The following HIBADH variants were observed in gnomAD, a reference collection of about 807,000 sequenced individuals.
HIBADH encodes 3-hydroxyisobutyrate dehydrogenase.
Under a neutral mutation model 36.1 loss-of-function variants are expected in HIBADH, and 25 were observed. That is an observed-to-expected ratio of 0.69 (90% CI 0.50 to 0.97). The LOEUF (loss-of-function observed/expected upper bound fraction) is 0.97, where lower values mean the gene tolerates loss of function less well. Ranked by LOEUF, HIBADH falls within the 50% of genes least tolerant of loss-of-function variation. HIBADH has a pLI of 0.00. For synonymous variants in HIBADH, 160 were observed against 149.5 expected, an observed-to-expected ratio of 1.07 and a Z score of -0.51; for missense variants, 421 against 418.0, an observed-to-expected ratio of 1.01 and a Z score of -0.06.
At chr7:27,553,870 T>C (rs971449871) in intron 4 of HIBADH, among the ~76,000 whole-genome samples, 1 of 152,214 alleles carries the variant, frequency 6.6e-6, no homozygotes, top group Non-Finnish European at 1.5e-5. Flanking sequence ...TTATTTGAGA[T>C]GGAGTTTTGC....
chr7:27,578,097 G>C (rs1784739941), intron 4 of HIBADH, among the ~76,000 whole-genome samples: 1 of 152,204 alleles, frequency 6.6e-6, no homozygotes, highest in Non-Finnish European at 1.5e-5. Context: ...ATAGTTTAGA[G>C]AGTTCAGTAT....
At chr7:27,646,014 G>A (rs1786063112) in intron 2 of HIBADH, among the ~76,000 whole-genome samples, 2 of 152,056 alleles carry the variant, frequency 1.3e-5, no homozygotes, top group Non-Finnish European at 2.9e-5. Context: ...TCATATCTAA[G>A]AATCCTTCGC....
At chr7:27,642,336 C>T (rs1286123921) in intron 2 of HIBADH, among the ~76,000 whole-genome samples, 1 of 152,016 alleles carries the variant, frequency 6.6e-6, no homozygotes, top group African/African-American at 2.4e-5. Context: ...TTTTTTTCTT[C>T]CTCAAAAATT....
chr7:27,627,369 T>C (rs915150190), intron 4 of HIBADH, among the ~76,000 whole-genome samples: 1 of 152,166 alleles, frequency 6.6e-6, no homozygotes, highest in Non-Finnish European at 1.5e-5. Flanking sequence ...AATCCCCACA[T>C]TTTAGCCCTA....
chr7:27,615,335 A>C (rs1785407311), intron 4 of HIBADH, among the ~76,000 whole-genome samples: 1 of 152,186 alleles, frequency 6.6e-6, no homozygotes, highest in African/African-American at 2.4e-5. Flanking sequence ...AACAACCTAG[A>C]GAACCCTGGG....
At chr7:27,627,749 C>A (rs529186513) in intron 4 of HIBADH, among the ~76,000 whole-genome samples, 42 of 152,154 alleles carry the variant, frequency 2.8e-4, no homozygotes, top group African/African-American at 9.4e-4. Context: ...CAATAAATTA[C>A]CACAAATCAT....
chr7:27,585,626 A>G (rs1784850926), intron 4 of HIBADH, among the ~76,000 whole-genome samples: 1 of 152,204 alleles, frequency 6.6e-6, no homozygotes, highest in Admixed American at 6.5e-5. Flanking sequence ...GAAAAGAATG[A>G]AAAAGTAAAA....
intron 1 of HIBADH, among the ~76,000 whole-genome samples, chr7:27,649,977 C>CT (rs1786150801): frequency 6.6e-6 from 1 of 151,894 alleles, no homozygotes; most frequent in African/African-American, 2.4e-5. Flanking sequence ...TGCAGGCAGA[C>CT]TAACTTCTAA....
At chr7:27,594,141 T>TTTA (rs1562635312) in intron 4 of HIBADH, among the ~76,000 whole-genome samples, 2 of 56,084 alleles carry the variant, frequency 3.6e-5, no homozygotes, top group South Asian at 1.0e-3. Context: ...TAAAGATGTT[T>TTTA]TTGTTTTTTT....
Position 27,661,585 on chromosome 7 carries a change from CAAAAAAAAA to C in HIBADH, c.91+1104_91+1112del, listed in dbSNP as rs61214015. 9.7e-4 allele frequency among the ~76,000 whole-genome samples: 67 copies of C among 68,748 alleles called. 1 individual carries two copies. The highest frequency in any genetic ancestry group is 1.9e-3 in the Admixed American group (10 of 5,292). 45.1% of individuals were successfully genotyped at this position (68,748 alleles called of 152,430 possible). ...AGCCTGGGCGACAGAGACCCTGTCT[CAAAAAAAAA>C]AAAAAAAAAAAAAAAGGGCGGGGGG... On this transcript the variant is annotated intron_variant, in intron 1 of 7. Transcript: ENST00000265395.
chr7:27,643,081 T>TAATTTG (rs1785991893), intron 2 of HIBADH, among the ~76,000 whole-genome samples: 1 of 152,234 alleles, frequency 6.6e-6, no homozygotes, highest in Admixed American at 6.5e-5. Flanking sequence ...CATATTTGTG[T>TAATTTG]AATTTGATAA....
intron 4 of HIBADH, among the ~76,000 whole-genome samples, chr7:27,612,973 AT>A (rs1191365403): frequency 1.4e-5 from 2 of 138,504 alleles, no homozygotes; most frequent in Admixed American, 7.8e-5. Context: ...TTATATATAT[AT>A]TATATATATA....
chr7:27,622,995 C>T (rs1785571684), intron 4 of HIBADH, among the ~76,000 whole-genome samples: 1 of 152,076 alleles, frequency 6.6e-6, no homozygotes, highest in African/African-American at 2.4e-5. Flanking sequence ...CTGATGAACA[C>T]AGGTGCAAAA....
intron 2 of HIBADH, among the ~76,000 whole-genome samples, chr7:27,640,620 C>T (rs1459884599): frequency 6.6e-6 from 1 of 152,118 alleles, no homozygotes; most frequent in Admixed American, 6.5e-5. Flanking sequence ...TGGCCATTTT[C>T]CACCTTTTGG....
intron 4 of HIBADH, among the ~76,000 whole-genome samples, chr7:27,560,021 G>A (rs1196621245): frequency 1.3e-5 from 2 of 152,124 alleles, no homozygotes; most frequent in African/African-American, 4.8e-5. Flanking sequence ...TTCACAAGTT[G>A]TGCAGTTTTG....
At chr7:27,552,207 G>A (rs1315216412) in intron 4 of HIBADH, among the ~76,000 whole-genome samples, 1 of 152,174 alleles carries the variant, frequency 6.6e-6, no homozygotes, top group African/African-American at 2.4e-5. Context: ...CACTGTTTCT[G>A]TTTCAGAGTC....
intron 5 of HIBADH, among the ~76,000 whole-genome samples, chr7:27,539,661 C>A (rs1784118164): frequency 6.6e-6 from 1 of 152,020 alleles, no homozygotes; most frequent in South Asian, 2.1e-4. Flanking sequence ...TACAGTTGAC[C>A]CTTGAATGAT....
chr7:27,651,837 T>TA (rs1305332101), intron 1 of HIBADH, among the ~76,000 whole-genome samples: 2 of 152,188 alleles, frequency 1.3e-5, no homozygotes, highest in East Asian at 3.9e-4. Context: ...ATAAGACAGT[T>TA]AAAGATAAAA....
At chr7:27,641,758 G>A (rs1332084418) in intron 2 of HIBADH, among the ~76,000 whole-genome samples, 2 of 150,910 alleles carry the variant, frequency 1.3e-5, no homozygotes, top group East Asian at 3.8e-4. Flanking sequence ...AGCTGCCAAC[G>A]TAAATCATTT....
Sources: allele counts gnomAD v4.1 joint callset (sites outside exome capture counted in the v4.1 genomes callset), GRCh38; gene constraint gnomAD v4.1.1; transcripts MANE v1.5; gene names NCBI Gene and HGNC (gene_info 2026-07-23, HGNC 2026-07-21).